Variants in PTPRE observed in about 807,000 individuals in gnomAD.
The protein encoded by PTPRE is protein tyrosine phosphatase receptor type E, also known as receptor-type tyrosine-protein phosphatase epsilon.
A neutral mutation model predicts 102.0 loss-of-function variants in PTPRE; 51 were observed. That is an observed-to-expected ratio of 0.50 (90% CI 0.40 to 0.63). The LOEUF (loss-of-function observed/expected upper bound fraction) is 0.63. PTPRE is among the 30% of genes least tolerant of loss of function. The pLI is 0.00. For missense variants in PTPRE, 752 were observed against 915.1 expected (o/e 0.82, Z 2.30); for synonymous variants, 345 against 348.2 (o/e 0.99, Z 0.10).
chr10:128,005,177 T>C (rs1854398040), intron 2 of PTPRE, among the ~76,000 whole-genome samples: 1 of 152,252 alleles, frequency 6.6e-6, no homozygotes. Context: ...GTTTTCACAT[T>C]CTGTAGGTCA....
chr10:128,032,895 A>C (rs1390653223), intron 2 of PTPRE, among the ~76,000 whole-genome samples: 2 of 152,258 alleles, frequency 1.3e-5, no homozygotes, highest in African/African-American at 2.4e-5. Context: ...TTATGTTTCA[A>C]TAGAACTTTC....
At chr10:128,004,004 C>T (rs982956748) in intron 2 of PTPRE, among the ~76,000 whole-genome samples, 3 of 151,808 alleles carry the variant, frequency 2.0e-5, no homozygotes, top group African/African-American at 7.3e-5. Context: ...ACAATTTACA[C>T]ATGAGTGGGT....
chr10:128,061,569 T>C (rs1447651332), intron 8 of PTPRE, 110 bp from the exon 9 acceptor site: 2 of 1,363,912 alleles, frequency 1.5e-6, no homozygotes, highest in Non-Finnish European at 2.0e-6. Flanking sequence ...TTCCTGTGTT[T>C]TGCAAATTTT....
intron 1 of PTPRE, among the ~76,000 whole-genome samples, chr10:127,962,561 C>A (rs1280742926): frequency 6.6e-6 from 1 of 152,118 alleles, no homozygotes; most frequent in African/African-American, 2.4e-5. Context: ...CTCTGCAGGG[C>A]GGGGTCAGGC....
At chr10:128,081,623 C>T (rs1168304194) in intron 20 of PTPRE, among the ~76,000 whole-genome samples, 1 of 152,214 alleles carries the variant, frequency 6.6e-6, no homozygotes, top group East Asian at 1.9e-4. Flanking sequence ...AGCTGTTTGC[C>T]TCTTTAAAGA....
In PTPRE at chr10:128,036,489, C is replaced by T. The variant is rs74159139; in HGVS notation, c.-7-4386C>T. Among the ~76,000 whole-genome samples, 3,547 of 152,212 alleles carry T rather than the reference C, an allele frequency of 0.023. 215 individuals are homozygous for T. The East Asian group carries it at 0.24, about 10-fold the overall frequency. On this transcript the variant is annotated intron_variant, in intron 2 of 20. Coordinates refer to ENST00000254667, the MANE Select transcript of PTPRE (RefSeq NM_006504.6). ...TCTCAGAACCTCAGGTAGCTTATCC[C>T]GCTTCATAGGAGCCCAGTAACTGGG...
chr10:127,958,985 C>T (rs1849601082), intron 1 of PTPRE, among the ~76,000 whole-genome samples: 1 of 151,586 alleles, frequency 6.6e-6, no homozygotes, highest in African/African-American at 2.4e-5. Flanking sequence ...CAACCTCCTC[C>T]TCCTGGGTTC....
rs773657243 is a variant in PTPRE at position 128,070,017 on chromosome 10, C to T, written c.1143+190C>T. The T allele has an allele frequency of 4.9e-6, 4 of 818,112 alleles. No homozygotes were observed. The highest frequency in any genetic ancestry group is 1.7e-5 in the African/African-American group (1 of 58,062). 50.7% of individuals were successfully genotyped at this position (818,112 alleles called of 1,614,324 possible). A position where few individuals can be genotyped will look rare whatever the true frequency, so the allele number is the denominator to read the frequency against. On this transcript the variant is annotated intron_variant, in intron 13 of 20. Coordinates refer to ENST00000254667, the MANE Select transcript of PTPRE (RefSeq NM_006504.6). This position sits in a 1 kb window ranked among gnomAD's most constrained non-coding sequence, Gnocchi z 4.8. Reference sequence around the variant, plus strand: ...AGGGACTCCCTCGTCCTCATCTTTCCCTCGTATCCTCATGTGAGATGGGGC... The same window carrying T: ...AGGGACTCCCTCGTCCTCATCTTTCTCTCGTATCCTCATGTGAGATGGGGC...
At chr10:128,034,277 A>T (rs1847014672) in intron 2 of PTPRE, among the ~76,000 whole-genome samples, 1 of 152,004 alleles carries the variant, frequency 6.6e-6, no homozygotes, top group Non-Finnish European at 1.5e-5. Context: ...GAAATATATT[A>T]TGGGAGGATT....
At chr10:127,987,052 C>T (rs1852151534) in intron 2 of PTPRE, among the ~76,000 whole-genome samples, 1 of 152,142 alleles carries the variant, frequency 6.6e-6, no homozygotes, top group African/African-American at 2.4e-5. Flanking sequence ...GGAAGAATGC[C>T]TTTGGATCTG....
At chr10:128,015,033 T>C (rs1344296663) in intron 2 of PTPRE, among the ~76,000 whole-genome samples, 1 of 152,188 alleles carries the variant, frequency 6.6e-6, no homozygotes, top group Non-Finnish European at 1.5e-5. Flanking sequence ...CTCCTCTGAT[T>C]CTAAATATTT....
At chr10:127,920,968 G>A (rs1407340917) in intron 1 of PTPRE, among the ~76,000 whole-genome samples, 1 of 152,178 alleles carries the variant, frequency 6.6e-6, no homozygotes, top group Non-Finnish European at 1.5e-5. Flanking sequence ...TGGCTCTGAC[G>A]AGCCAGGCTT....
At chr10:127,952,499 G>A (rs1849108465) in intron 1 of PTPRE, among the ~76,000 whole-genome samples, 1 of 152,144 alleles carries the variant, frequency 6.6e-6, no homozygotes, top group East Asian at 1.9e-4. Context: ...TTACTTATAA[G>A]CTCAGGGGAG....
chr10:127,959,415 T>C (rs566104547), intron 1 of PTPRE, among the ~76,000 whole-genome samples: 1 of 152,366 alleles, frequency 6.6e-6, no homozygotes, highest in East Asian at 1.9e-4. Context: ...GATGATAGCA[T>C]ATGCCTTTCT....
chr10:127,954,264 G>A (rs911594574), intron 1 of PTPRE, among the ~76,000 whole-genome samples: 4 of 152,154 alleles, frequency 2.6e-5, no homozygotes, highest in Non-Finnish European at 5.9e-5. Flanking sequence ...AGCCACCACT[G>A]AGTGACCACT....
At position 128,070,538 on chromosome 10, in the gene PTPRE, C is replaced by A. The variant is rs1343479036; in HGVS notation, c.1293+88C>A. 4.3e-5 allele frequency: 64 copies of A among 1,485,126 alleles called. No homozygotes were observed. Among genetic ancestry groups the A allele is most frequent in the Non-Finnish European group, 5.5e-5 (61 of 1,104,084 alleles). The allele number at this position is 1,485,126 out of a possible 1,614,324, so 92.0% of individuals were successfully genotyped here. Reference sequence around the variant, plus strand: ...GTGACCATTTAAAGGAAGCCTCTTTCAATCACTTGCCCCTTAACTGACCTC... The same window carrying A: ...GTGACCATTTAAAGGAAGCCTCTTTAAATCACTTGCCCCTTAACTGACCTC... On this transcript the variant is annotated intron_variant, in intron 14 of 20. Transcript: ENST00000254667. This position sits in a 1 kb window ranked among gnomAD's most constrained non-coding sequence, Gnocchi z 4.8.
intron 1 of PTPRE, among the ~76,000 whole-genome samples, chr10:127,943,901 AGT>A (rs534892191): frequency 9.9e-5 from 15 of 151,986 alleles, no homozygotes; most frequent in Non-Finnish European, 2.1e-4. Flanking sequence ...ATGGTGTATG[AGT>A]GTGTGTGGGT....
intron 6 of PTPRE, among the ~76,000 whole-genome samples, chr10:128,050,127 GTGAGC>G (rs1848434705): frequency 6.9e-6 from 1 of 145,562 alleles, no homozygotes; most frequent in East Asian, 2.2e-4. Context: ...TGAAGCAGCT[GTGAGC>G]TGCCTTGAGA....
intron 2 of PTPRE, among the ~76,000 whole-genome samples, chr10:127,983,547 TG>T (rs1851813406): frequency 6.6e-6 from 1 of 152,222 alleles, no homozygotes; most frequent in African/African-American, 2.4e-5. Flanking sequence ...GATACTGGTT[TG>T]AACGCTTATT....
Sources: gnomAD v4.1 joint callset for allele counts (sites outside exome capture counted in the v4.1 genomes callset) on GRCh38, gnomAD v4.1.1 for gene constraint, Gnocchi (gnomAD v3.1) non-coding constraint, MANE v1.5 for transcripts, NCBI Gene and HGNC (gene_info 2026-07-23, HGNC 2026-07-21) for gene names.